DLG2: variants seen among roughly 807,000 people sequenced by gnomAD.
DLG2 encodes the protein disks large homolog 2.
A neutral mutation model predicts 132.5 loss-of-function variants in DLG2; 45 were observed. The observed-to-expected ratio is 0.34, with a 90% CI of 0.27 to 0.44. The LOEUF is 0.44. Ranked by LOEUF, DLG2 falls within the 20% of genes least tolerant of loss-of-function variation. DLG2 has a pLI of 1.00. For synonymous variants in DLG2, 424 were observed against 419.6 expected (o/e 1.01, Z -0.13); for missense variants, 1,045 against 1,196.9 (o/e 0.87, Z 1.87).
At chr11:84,665,161 G>A (rs1347004085) in intron 6 of DLG2, among the ~76,000 whole-genome samples, 1 of 152,054 alleles carries the variant, frequency 6.6e-6, no homozygotes, top group East Asian at 1.9e-4. Context: ...ATAAAGATTT[G>A]TAAGTGCTGA....
chr11:83,535,341 T>C (rs1400952925), intron 20 of DLG2, among the ~76,000 whole-genome samples: 3 of 152,186 alleles, frequency 2.0e-5, no homozygotes, highest in African/African-American at 7.2e-5. Flanking sequence ...AAATTCTGCA[T>C]AAACCCACAG....
At chr11:83,973,412 A>G (rs2091693925) in intron 12 of DLG2, among the ~76,000 whole-genome samples, 1 of 152,140 alleles carries the variant, frequency 6.6e-6, no homozygotes, top group Non-Finnish European at 1.5e-5. Flanking sequence ...ATTACATTTG[A>G]GATAAATTAG....
intron 7 of DLG2, among the ~76,000 whole-genome samples, chr11:84,511,121 G>A (rs1423314814): frequency 6.6e-6 from 1 of 152,072 alleles, no homozygotes; most frequent in Non-Finnish European, 1.5e-5. Flanking sequence ...TATAAAATGA[G>A]TTTGATGAGA....
chr11:85,543,084 C>A (rs1487602795), intron 3 of DLG2, among the ~76,000 whole-genome samples: 1 of 151,982 alleles, frequency 6.6e-6, no homozygotes, highest in Non-Finnish European at 1.5e-5. Flanking sequence ...GTTTGCTGCA[C>A]CTATCAACCC....
At chr11:83,626,078 C>T (rs2062474065) in intron 19 of DLG2, among the ~76,000 whole-genome samples, 1 of 152,144 alleles carries the variant, frequency 6.6e-6, no homozygotes, top group Admixed American at 6.5e-5. Context: ...CAAGACATTA[C>T]TGGGATTTGC....
At chr11:84,024,192 AG>A (rs1386177136) in intron 11 of DLG2, among the ~76,000 whole-genome samples, 1 of 152,120 alleles carries the variant, frequency 6.6e-6, no homozygotes, top group Non-Finnish European at 1.5e-5. Context: ...GGCACGAGAA[AG>A]CACTGCATTC....
intron 3 of DLG2, among the ~76,000 whole-genome samples, chr11:85,483,596 A>G (rs1031023957): frequency 6.6e-6 from 1 of 152,238 alleles, no homozygotes; most frequent in Non-Finnish European, 1.5e-5. Flanking sequence ...TCTAACTGCA[A>G]TGGTGATATG....
In DLG2 at chr11:84,287,353, G is replaced by A. The variant is rs180705251; in HGVS notation, c.520-36062C>T. Among the ~76,000 whole-genome samples the A allele has an allele frequency of 1.9e-3, 286 of 152,168 alleles. 2 individuals carry two copies. The highest frequency in any genetic ancestry group is 6.7e-3 in the African/African-American group (277 of 41,536). On this transcript the variant is annotated intron_variant, in intron 7 of 27. Transcript: ENST00000376104. The stretch of plus-strand genomic sequence containing the variant: ...ATATCCATTTTACAGATATGAAACT[G>A]AGATCTAGACTAGTTGGACTGTGCC...
rs1422325011 is a variant in DLG2 at position 85,060,910 on chromosome 11, T to A, written c.357+50751A>T. On this transcript the variant is annotated intron_variant, in intron 6 of 27. Transcript: ENST00000376104. ...TTTTGTTTTTGGTTTTGCTTTTTTG[T>A]TTTGTTTTTTAATGGTCATCTTAAC... 7.3e-5 allele frequency among the ~76,000 whole-genome samples: 11 copies of A among 151,302 alleles called. 1 individual carries two copies. Among genetic ancestry groups the A allele is most frequent in the Admixed American group, 7.3e-4 (11 of 15,142 alleles).
intron 8 of DLG2, among the ~76,000 whole-genome samples, chr11:84,244,931 A>C (rs12278134): frequency 0.15 from 22,440 of 152,166 alleles, 1,912 homozygotes; most frequent in East Asian, 0.25. Context: ...AGCCTAAATC[A>C]TAAGAATATG....
chr11:85,137,285 G>A (rs1177293009), intron 5 of DLG2, among the ~76,000 whole-genome samples: 1 of 151,986 alleles, frequency 6.6e-6, no homozygotes, highest in Non-Finnish European at 1.5e-5. Context: ...TGAAGTACTG[G>A]GGTAAATACT....
At chr11:84,242,092 A>G (rs898062528) in intron 8 of DLG2, among the ~76,000 whole-genome samples, 1 of 152,186 alleles carries the variant, frequency 6.6e-6, no homozygotes, top group African/African-American at 2.4e-5. Flanking sequence ...CAGGTAGGTA[A>G]GGCTTTTAGG....
chr11:83,795,225 G>T (rs140494322), intron 17 of DLG2, among the ~76,000 whole-genome samples: 1 of 151,904 alleles, frequency 6.6e-6, no homozygotes, highest in East Asian at 1.9e-4. Context: ...CTAACATGGC[G>T]AAACCCCGTC....
intron 15 of DLG2, among the ~76,000 whole-genome samples, chr11:83,928,775 T>C (rs1016911332): frequency 7.2e-5 from 11 of 152,118 alleles, no homozygotes; most frequent in African/African-American, 2.4e-4. Context: ...CAAAAAATTA[T>C]TGTGAGGATT....
chr11:85,280,933 C>T (rs895120686), intron 4 of DLG2, among the ~76,000 whole-genome samples: 2 of 151,818 alleles, frequency 1.3e-5, no homozygotes, highest in African/African-American at 4.8e-5. Flanking sequence ...ACCACCAATC[C>T]AACACAGAAT....
Position 85,167,952 on chromosome 11 carries a change from T to C in DLG2, c.187-13301A>G, listed in dbSNP as rs1454538738. Among the ~76,000 whole-genome samples, 3 of 152,242 alleles carry C rather than the reference T, an allele frequency of 2.0e-5. No individual in the cohort carries two copies. The East Asian group carries it at 5.8e-4, about 29-fold the overall frequency. ...AAGTTTAAACTAAGTAGTTCTCCTC[T>C]GCTGAAATAATAATAAACTTCACTC... On this transcript the variant is annotated intron_variant, in intron 4 of 27. Transcript: ENST00000376104.
intron 21 of DLG2, among the ~76,000 whole-genome samples, chr11:83,509,004 G>A (rs1042718611): frequency 1.3e-5 from 2 of 152,236 alleles, no homozygotes; most frequent in African/African-American, 4.8e-5. Context: ...CAGGCAGGAA[G>A]GGAGAGCTCA....
chr11:85,103,638 G>A (rs180817022), intron 6 of DLG2, among the ~76,000 whole-genome samples: 39 of 151,982 alleles, frequency 2.6e-4, no homozygotes, highest in South Asian at 1.7e-3. Flanking sequence ...AGAAAATGTA[G>A]AAGGAAATCT....
chr11:83,697,696 T>C (rs778414352), intron 18 of DLG2, among the ~76,000 whole-genome samples: 5 of 152,194 alleles, frequency 3.3e-5, no homozygotes, highest in Non-Finnish European at 7.3e-5. Context: ...ACTAGCAGCC[T>C]GGCCAAGAAA....
Sources: allele counts gnomAD v4.1 joint callset (sites outside exome capture counted in the v4.1 genomes callset), GRCh38; gene constraint gnomAD v4.1.1; transcripts MANE v1.5; gene names NCBI Gene and HGNC (gene_info 2026-07-23, HGNC 2026-07-21).